The following CEACAM5 variants were observed in gnomAD, a reference collection of about 807,000 sequenced individuals.
CEACAM5 encodes CEA cell adhesion molecule 5.
A neutral mutation model predicts 63.0 loss-of-function variants in CEACAM5; 52 were observed. The ratio of observed to expected loss-of-function variants is 0.83; its 90% CI spans 0.66 to 1.04. The LOEUF is 1.04. Ranked by LOEUF, CEACAM5 falls within the 50% of genes least tolerant of loss-of-function variation. The probability of loss-of-function intolerance (pLI) is 0.00; values close to 1 mark genes in which losing one functional copy is unlikely to be tolerated. For synonymous variants in CEACAM5, 357 were observed against 351.3 expected, an observed-to-expected ratio of 1.02 and a Z score of -0.18; for missense variants, 790 against 864.8, an observed-to-expected ratio of 0.91 and a Z score of 1.08.
At chr19:41,721,548 A>G (rs1267803890) in intron 8 of CEACAM5, among the ~76,000 whole-genome samples, 3 of 152,188 alleles carry the variant, frequency 2.0e-5, no homozygotes, top group Non-Finnish European at 4.4e-5. Flanking sequence ...CTACTCTGTG[A>G]GCTACAAGGA....
At chr19:41,709,277 G>A (rs1471874420) in intron 1 of CEACAM5, among the ~76,000 whole-genome samples, 4 of 152,178 alleles carry the variant, frequency 2.6e-5, no homozygotes, top group Admixed American at 2.0e-4. Flanking sequence ...GACATACAAA[G>A]AGATCTAGAA....
chr19:41,727,039 G>T (rs1392728445), intron 8 of CEACAM5, among the ~76,000 whole-genome samples, 195 bp from the exon 9 acceptor site: 1 of 152,194 alleles, frequency 6.6e-6, no homozygotes, highest in Non-Finnish European at 1.5e-5. Context: ...GGCCAGGGTG[G>T]AATTGACAGA....
At chr19:41,728,447 G>A (rs1448462706) in intron 9 of CEACAM5, among the ~76,000 whole-genome samples, 1 of 152,174 alleles carries the variant, frequency 6.6e-6, no homozygotes, top group Non-Finnish European at 1.5e-5. Context: ...TTCTAAATAG[G>A]TAGGACTTGG....
rs964824995 is a variant in CEACAM5 at position 41,730,043 on chromosome 19, T to C, written c.*896T>C. Among the ~76,000 whole-genome samples, 11 of 151,596 alleles carry C rather than the reference T, an allele frequency of 7.3e-5. No homozygotes were observed. Among genetic ancestry groups the C allele is most frequent in the African/African-American group, 2.7e-4 (11 of 41,396 alleles). ...TACAAACAAAGTCTGAAGTCAGCCT[T>C]GGTTTGGCTTCCTAGTGTCAATTAA... is the stretch of plus-strand genomic sequence containing the variant. On this transcript the variant is annotated 3_prime_UTR_variant, in exon 10 of 10. Coordinates refer to ENST00000221992, the MANE Select transcript of CEACAM5 (RefSeq NM_004363.6).
chr19:41,713,793 C>T (rs902909793), intron 2 of CEACAM5, among the ~76,000 whole-genome samples: 1 of 152,222 alleles, frequency 6.6e-6, no homozygotes, highest in Admixed American at 6.5e-5. Context: ...CCTTGAGGGC[C>T]AGATTTCCAG....
chr19:41,709,538 A>G lies in CEACAM5; in HGVS notation c.65-142A>G, dbSNP rs1198528164. 4 of 292,990 alleles carry G rather than the reference A, an allele frequency of 1.4e-5. No homozygotes were observed. In the African/African-American group the frequency reaches 2.1e-4, roughly 15 times the overall value. 18.1% of individuals were successfully genotyped at this position (292,990 alleles called of 1,614,324 possible). On this transcript the variant is annotated intron_variant, in intron 1 of 9. Transcript: ENST00000221992. Reference sequence around the variant, plus strand: ...ACACTGCTGACCTTGACCTAGTAGGACACACACACACACACACACACACAC... The same window carrying G: ...ACACTGCTGACCTTGACCTAGTAGGGCACACACACACACACACACACACAC...
At position 41,727,279 on chromosome 19, in the gene CEACAM5, T is replaced by C. The variant is rs782506776; in HGVS notation, c.2072T>C (p.Ile691Thr). The C allele has an allele frequency of 1.7e-5, 27 of 1,614,144 alleles. No individual in the cohort carries two copies. The highest frequency in any genetic ancestry group is 2.2e-5 in the Non-Finnish European group (26 of 1,179,976). The change falls in exon 9 of 10, where the codon ATC becomes ACC. Residue 691 changes from isoleucine to threonine, a missense_variant. Coordinates refer to ENST00000221992, the MANE Select transcript of CEACAM5 (RefSeq NM_004363.6). Reference sequence around the variant, plus strand: ...CTCTCAGCTGGGGCCACTGTCGGCATCATGATTGGAGTGCTGGTTGGGGTT... The same window carrying C: ...CTCTCAGCTGGGGCCACTGTCGGCACCATGATTGGAGTGCTGGTTGGGGTT... ...PGLSAGATVGIMIGVLVGVAL... is the reference protein window; with the variant it reads ...PGLSAGATVGTMIGVLVGVAL...
intron 8 of CEACAM5, among the ~76,000 whole-genome samples, chr19:41,723,316 T>G (rs1254870063): frequency 6.6e-6 from 1 of 152,202 alleles, no homozygotes; most frequent in East Asian, 1.9e-4. Context: ...GTTCCAATTT[T>G]TCCACCTCCT....
At chr19:41,717,992 T>C (rs534980600) in intron 5 of CEACAM5, 136 bp from the exon 6 acceptor site, 6 of 1,092,856 alleles carry the variant, frequency 5.5e-6, no homozygotes, top group South Asian at 4.5e-5. Context: ...CTCTGGCTAA[T>C]TGGATACAGT....
intron 2 of CEACAM5, among the ~76,000 whole-genome samples, chr19:41,711,221 G>A (rs1163002896): frequency 6.6e-6 from 1 of 152,074 alleles, no homozygotes; most frequent in Admixed American, 6.6e-5. Flanking sequence ...CAACAGTCAG[G>A]GTCAGTGCCG....
chr19:41,722,272 G>A (rs2072633490), intron 8 of CEACAM5, among the ~76,000 whole-genome samples: 1 of 149,394 alleles, frequency 6.7e-6, no homozygotes, highest in Admixed American at 6.8e-5. Flanking sequence ...GCTGAGGCAG[G>A]AGAATCGCTC....
At chr19:41,711,729 C>G (rs1555814109) in intron 2 of CEACAM5, among the ~76,000 whole-genome samples, 2 of 152,116 alleles carry the variant, frequency 1.3e-5, no homozygotes, top group East Asian at 1.9e-4. Context: ...TTCTTCTATT[C>G]CTCCATGTTC....
chr19:41,713,917 T>C (rs568908852), intron 2 of CEACAM5, among the ~76,000 whole-genome samples: 2 of 152,236 alleles, frequency 1.3e-5, no homozygotes, highest in Admixed American at 1.3e-4. Context: ...AGAAGGGACA[T>C]TAAAGACCAA....
chr19:41,718,312 C>G lies in CEACAM5; in HGVS notation c.1422C>G (p.Leu474=). The G allele has an allele frequency of 6.2e-7, 1 of 1,614,200 alleles. No individual in the cohort carries two copies. Residue 474 remains leucine (L), a synonymous_variant, in exon 6 of 10, where the codon CTC becomes CTG. Coordinates refer to ENST00000221992, the MANE Select transcript of CEACAM5 (RefSeq NM_004363.6). ...ACATCACTGAGAAGAACAGCGGACTCTATACCTGCCAGGCCAATAACTCAG... is the reference window on the plus strand; with the variant it reads ...ACATCACTGAGAAGAACAGCGGACTGTATACCTGCCAGGCCAATAACTCAG... The part of the protein sequence containing the change: ...ISNITEKNSG[L]YTCQANNSAS...
intron 3 of CEACAM5, 29 bp from the exon 4 acceptor site, chr19:41,715,621 C>T (rs782652861): frequency 6.2e-7 from 1 of 1,612,864 alleles, no homozygotes; most frequent in Non-Finnish European, 8.5e-7. Flanking sequence ...CTGACAATAT[C>T]ACCTGTGGCT....
Position 41,708,642 on chromosome 19 carries a change from G to A in CEACAM5, c.-90G>A. 1 of 1,153,968 alleles carries A rather than the reference G, an allele frequency of 8.7e-7. No homozygotes were observed. Among genetic ancestry groups the A allele is most frequent in the Middle Eastern group, 2.1e-4 (1 of 4,686 alleles). The allele number at this position is 1,153,968 out of a possible 1,614,324, so 71.5% of individuals were successfully genotyped here. On this transcript the variant is annotated 5_prime_UTR_variant, in exon 1 of 10. Coordinates refer to ENST00000221992, the MANE Select transcript of CEACAM5 (RefSeq NM_004363.6). ...ACTCAGGGCAGAGGGAGGAAGGACA[G>A]CAGACCAGACAGTCACAGCAGCCTT...
intron 8 of CEACAM5, among the ~76,000 whole-genome samples, chr19:41,726,433 C>A (rs2072700336): frequency 6.6e-6 from 1 of 152,178 alleles, no homozygotes; most frequent in Admixed American, 6.5e-5. Flanking sequence ...TGAAAACCCA[C>A]TAGGACATGG....
In CEACAM5 at chr19:41,715,772, A is replaced by T. The variant is rs782594703; in HGVS notation, c.826A>T (p.Thr276Ser). 1 of 1,614,160 alleles carries T rather than the reference A, an allele frequency of 6.2e-7. No individual in the cohort carries two copies. Among genetic ancestry groups the T allele is most frequent in the South Asian group, 1.1e-5 (1 of 91,074 alleles). The part of the protein sequence containing the change: ...PAQYSWFVNG[T>S]FQQSTQELFI... ...ACAGTACTCTTGGTTTGTCAATGGG[A>T]CTTTCCAGCAATCCACCCAAGAGCT... The change falls in exon 4 of 10, where the codon ACT (threonine) becomes TCT (serine). Residue 276 changes from threonine to serine, a missense_variant. Coordinates refer to ENST00000221992, the MANE Select transcript of CEACAM5 (RefSeq NM_004363.6).
At position 41,721,019 on chromosome 19, in the gene CEACAM5, G is replaced by A. The variant is rs113558709; in HGVS notation, c.1869G>A (p.Pro623=). 1.6e-3 allele frequency: 2,545 copies of A among 1,613,884 alleles called. 27 individuals carry two copies. In the African/African-American group the frequency reaches 0.023, roughly 14 times the overall value. The change falls in exon 8 of 10, where the codon CCG becomes CCA. Residue 623 remains proline, a synonymous_variant. Coordinates refer to ENST00000221992, the MANE Select transcript of CEACAM5 (RefSeq NM_004363.6). Reference sequence around the variant, plus strand: ...GCCACTCGGCCTCTAACCCATCCCCGCAGTATTCTTGGCGTATCAATGGGA... The same window carrying A: ...GCCACTCGGCCTCTAACCCATCCCCACAGTATTCTTGGCGTATCAATGGGA... The part of the protein sequence containing the change: ...LSCHSASNPS[P]QYSWRINGIP...
Sources: gnomAD v4.1 joint callset for allele counts (sites outside exome capture counted in the v4.1 genomes callset) on GRCh38, gnomAD v4.1.1 for gene constraint, MANE v1.5 for transcripts, NCBI Gene and HGNC (gene_info 2026-07-23, HGNC 2026-07-21) for gene names.